Variants in IMMT observed in about 807,000 individuals in gnomAD.
IMMT encodes MICOS complex subunit MIC60.
In IMMT, 40 loss-of-function variants were observed where a neutral mutation model predicts 92.7. The ratio of observed to expected loss-of-function variants is 0.43; its 90% confidence interval spans 0.34 to 0.56. The LOEUF is 0.56. Ranked by LOEUF, IMMT falls within the 20% of genes least tolerant of loss-of-function variation. The pLI is 0.03. For missense variants in IMMT, 831 were observed against 912.1 expected (o/e 0.91, Z 1.14); for synonymous variants, 322 against 336.1 (o/e 0.96, Z 0.46).
chr2:86,161,115 A>AT (rs1398533309), intron 8 of IMMT, among the ~76,000 whole-genome samples: 1 of 151,016 alleles, frequency 6.6e-6, no homozygotes, highest in African/African-American at 2.4e-5. Context: ...AAAAAAAAAA[A>AT]TCCTTTATAT....
chr2:86,160,999 G>A (rs1573901062), intron 8 of IMMT, among the ~76,000 whole-genome samples: 1 of 152,094 alleles, frequency 6.6e-6, no homozygotes, highest in Non-Finnish European at 1.5e-5. Flanking sequence ...TCAGGGGGCT[G>A]AGGCAGGAGG....
chr2:86,151,631 C>T, intron 11 of IMMT, 111 bp from the exon 12 acceptor site: 2 of 763,006 alleles, frequency 2.6e-6, no homozygotes, highest in Non-Finnish European at 4.3e-6. Flanking sequence ...GAAAGTAAAA[C>T]TTAGCTAACA....
intron 1 of IMMT, among the ~76,000 whole-genome samples, chr2:86,183,910 A>G (rs567755661): frequency 4.4e-4 from 67 of 152,302 alleles, no homozygotes; most frequent in African/African-American, 1.6e-3. Context: ...GCCCCTATTG[A>G]GGGACACTGA....
At chr2:86,147,968 C>T in intron 12 of IMMT, 135 bp from the exon 13 acceptor site, 2 of 743,476 alleles carry the variant, frequency 2.7e-6, no homozygotes, top group South Asian at 1.8e-5. Flanking sequence ...GGCATGTGTA[C>T]ACTTCTACTT....
chr2:86,155,886 C>T (rs541296321), intron 10 of IMMT, among the ~76,000 whole-genome samples: 1 of 152,194 alleles, frequency 6.6e-6, no homozygotes, highest in Non-Finnish European at 1.5e-5. Context: ...TACCGGTTGT[C>T]CCTGAGGAGG....
intron 6 of IMMT, among the ~76,000 whole-genome samples, chr2:86,168,861 G>A (rs370881769): frequency 8.0e-4 from 122 of 152,298 alleles, no homozygotes; most frequent in African/African-American, 2.9e-3. Context: ...TACAACAAGA[G>A]AAAGGGGCAA....
chr2:86,175,725 T>TA (rs10683026), intron 3 of IMMT, among the ~76,000 whole-genome samples: 62,393 of 145,744 alleles, frequency 0.43, 13,930 homozygotes, highest in East Asian at 0.81. Context: ...GAGTAAATGG[T>TA]AAAAAAAAAA....
chr2:86,161,004 A>G (rs9973320), intron 8 of IMMT, among the ~76,000 whole-genome samples: 69,697 of 151,632 alleles, frequency 0.46, 16,561 homozygotes, highest in Non-Finnish European at 0.51. Flanking sequence ...GGGCTGAGGC[A>G]GGAGGATGGC....
chr2:86,188,504 G>A (rs1672928326), intron 1 of IMMT, among the ~76,000 whole-genome samples: 1 of 151,628 alleles, frequency 6.6e-6, no homozygotes, highest in Non-Finnish European at 1.5e-5. Context: ...GTTCACTGCA[G>A]CCTCGACCTC....
chr2:86,189,457 AC>A (rs1672986710), intron 1 of IMMT, among the ~76,000 whole-genome samples: 1 of 151,746 alleles, frequency 6.6e-6, no homozygotes, highest in Non-Finnish European at 1.5e-5. Flanking sequence ...CTGGTCTTGA[AC>A]TCCTGACCTC....
intron 7 of IMMT, among the ~76,000 whole-genome samples, chr2:86,163,907 C>G (rs150954178): frequency 0.018 from 2,580 of 141,400 alleles, 51 homozygotes; most frequent in Non-Finnish European, 0.028. Context: ...TGCAGTGAGC[C>G]GAGATCACGC....
chr2:86,144,481 A>G lies in IMMT; in HGVS notation c.2064T>C (p.Phe688=), dbSNP rs367567513. 1,494 of 1,613,976 alleles carry G rather than the reference A, an allele frequency of 9.3e-4. 14 individuals carry two copies. The South Asian group carries it at 0.013, about 14-fold the overall frequency. ...AATAGGAAGCATATGACAGTAATTT[A>G]AATGTGTTTATATCCTCAGGGCAGA... ...PELCPEDINT[F]KLLSYASYCI... The change falls in exon 15 of 15, where the codon TTT becomes TTC. Residue 688 remains phenylalanine (F), a synonymous_variant. Transcript: ENST00000410111.
chr2:86,167,451 G>C (rs1332085731), intron 6 of IMMT, among the ~76,000 whole-genome samples: 3 of 150,084 alleles, frequency 2.0e-5, no homozygotes, highest in Admixed American at 1.3e-4. Context: ...GGGATTACAG[G>C]CGTGAGCCAC....
In IMMT at chr2:86,193,279, T is replaced by C. The variant is rs1473085843; in HGVS notation, c.45+2059A>G. Among the ~76,000 whole-genome samples the C allele has an allele frequency of 4.5e-4, 69 of 151,824 alleles. 1 individual carries two copies. The highest frequency in any genetic ancestry group is 2.9e-5 in the Non-Finnish European group (2 of 67,940). ...AAAATTAGCCAGGGATGGTGGCACATGCCTGTGGTCCCAGCTACTCAGGAG... is the reference window on the plus strand; with the variant it reads ...AAAATTAGCCAGGGATGGTGGCACACGCCTGTGGTCCCAGCTACTCAGGAG... On this transcript the variant is annotated intron_variant, in intron 1 of 14. Transcript: ENST00000410111.
chr2:86,161,384 C>T (rs1190376116), intron 8 of IMMT, among the ~76,000 whole-genome samples: 12 of 151,350 alleles, frequency 7.9e-5, no homozygotes, highest in Admixed American at 3.3e-4. Flanking sequence ...ATGGCTCAAA[C>T]TCTTGGTCTC....
chr2:86,144,338 T>C lies in IMMT; in HGVS notation c.2207A>G (p.Gln736Arg), dbSNP rs1416624422. Reference sequence around the variant, plus strand: ...ATATGCTGTCAGGATTTCCACTATCTGTTTCGTTTCTAGGGTCATTCGGGC... The same window carrying C: ...ATATGCTGTCAGGATTTCCACTATCCGTTTCGTTTCTAGGGTCATTCGGGC... ...KEARMTLETK[Q>R]IVEILTAYAS... The change falls in exon 15 of 15, where the codon CAG (glutamine) becomes CGG (arginine). Residue 736 changes from glutamine to arginine, a missense_variant. Physicochemically the swap from Gln to Arg is conservative, Grantham distance 43 (BLOSUM62 1). Transcript: ENST00000410111. 19 of 1,613,894 alleles carry C rather than the reference T, an allele frequency of 1.2e-5. No individual in the cohort carries two copies. The highest frequency in any genetic ancestry group is 1.6e-5 in the Non-Finnish European group (19 of 1,179,906).
rs777412862 is a variant in IMMT at position 86,181,370 on chromosome 2, A to T, written c.48T>A (p.Ser16Arg). The T allele has an allele frequency of 5.6e-6, 9 of 1,612,868 alleles. No individual in the cohort carries two copies. The South Asian group carries it at 9.9e-5, about 18-fold the overall frequency. Residue 16 changes from serine to arginine, a missense_variant and splice_region_variant, in exon 2 of 15, where the codon AGT becomes AGA. By Grantham distance (110) the Ser-to-Arg change is moderately radical. Coordinates refer to ENST00000410111, the MANE Select transcript of IMMT (RefSeq NM_006839.3). ...QLSGVTAAAQ[S>R]CLCGKFVLRP... is the part of the protein sequence containing the mutation. Reference sequence around the variant, plus strand: ...GGAGGACAAACTTCCCACAGAGACAACTCTAAAGAAGGAAAACACATCACA... The same window carrying T: ...GGAGGACAAACTTCCCACAGAGACATCTCTAAAGAAGGAAAACACATCACA...
chr2:86,185,121 A>C (rs1672683318), intron 1 of IMMT, among the ~76,000 whole-genome samples: 1 of 151,972 alleles, frequency 6.6e-6, no homozygotes, highest in African/African-American at 2.4e-5. Context: ...CAGAGCTTGC[A>C]GTGAGCCGAG....
At chr2:86,149,774 A>G (rs996503626) in intron 12 of IMMT, among the ~76,000 whole-genome samples, 1 of 151,246 alleles carries the variant, frequency 6.6e-6, no homozygotes, top group Non-Finnish European at 1.5e-5. Context: ...GCTACTCAGG[A>G]GGCTGAGAGG....
Sources: allele counts gnomAD v4.1 joint callset (sites outside exome capture counted in the v4.1 genomes callset), GRCh38; gene constraint gnomAD v4.1.1; transcripts MANE v1.5; gene names NCBI Gene and HGNC (gene_info 2026-07-23, HGNC 2026-07-21).